ARHGAP8: variants seen among roughly 807,000 people sequenced by gnomAD.
ARHGAP8 encodes Rho GTPase activating protein 8, also known as rho GTPase-activating protein 8.
ARHGAP8 carries 62 observed loss-of-function variants against 46.1 expected under a neutral mutation model. That is an observed-to-expected ratio of 1.34 (90% CI 1.10 to 1.66). The LOEUF (loss-of-function observed/expected upper bound fraction) is 1.66, where lower values mean the gene tolerates loss of function less well. Among genes scored for constraint, ARHGAP8 ranks in the 40% most tolerant of loss-of-function variants. The pLI, the probability that ARHGAP8 is intolerant of heterozygous loss-of-function variation, is 0.00. For missense variants in ARHGAP8, 923 were observed against 568.4 expected, an observed-to-expected ratio of 1.62 and a Z score of -6.34; for synonymous variants, 375 against 243.1, an observed-to-expected ratio of 1.54 and a Z score of -5.05.
intron 7 of ARHGAP8, among the ~76,000 whole-genome samples, chr22:44,833,311 C>T (rs1931085185): frequency 6.6e-6 from 1 of 151,888 alleles, no homozygotes; most frequent in African/African-American, 2.4e-5. Context: ...GTTGCCCAGG[C>T]TGGGAACATC....
At chr22:44,821,023 A>G (rs1930091734) in intron 5 of ARHGAP8, among the ~76,000 whole-genome samples, 3 of 152,374 alleles carry the variant, frequency 2.0e-5, no homozygotes. Context: ...AAAATACATG[A>G]ATACTTATTT....
chr22:44,789,420 G>C (rs995201633), intron 2 of ARHGAP8, among the ~76,000 whole-genome samples: 1 of 152,112 alleles, frequency 6.6e-6, no homozygotes, highest in African/African-American at 2.4e-5. Context: ...CAAAGTGCTG[G>C]GATTACAGGT....
chr22:44,769,344 C>G (rs1050154584), intron 1 of ARHGAP8, among the ~76,000 whole-genome samples: 5 of 152,252 alleles, frequency 3.3e-5, no homozygotes, highest in Non-Finnish European at 7.3e-5. Flanking sequence ...ATGCCAACCT[C>G]ATGCTGTCCT....
intron 1 of ARHGAP8, chr22:44,766,170 G>A (rs1319809960): frequency 1.3e-5 from 2 of 152,638 alleles, no homozygotes; most frequent in African/African-American, 2.4e-5. Context: ...CAGAAGCCGT[G>A]GTCTGGTCTC....
intron 9 of ARHGAP8, 144 bp from the exon 10 acceptor site, chr22:44,848,788 G>A: frequency 1.4e-6 from 2 of 1,450,104 alleles, no homozygotes; most frequent in Non-Finnish European, 1.8e-6. Flanking sequence ...TCTAGGTGGG[G>A]ACAGCATCAT....
Position 44,848,806 on chromosome 22 carries a change from A to T in ARHGAP8, c.749-126A>T, listed in dbSNP as rs2070023652. ...AGGTGGGGACAGCATCATCCCTAGG[A>T]CACATGGCTCCAGCATCAGGTGCGT... On this transcript the variant is annotated intron_variant, in intron 9 of 11. Transcript: ENST00000356099. The T allele has an allele frequency of 2.0e-6, 3 of 1,527,056 alleles. No homozygotes were observed. In the South Asian group the frequency reaches 3.8e-5, roughly 19 times the overall value. 94.6% of individuals were successfully genotyped at this position (1,527,056 alleles called of 1,614,324 possible). A position where few individuals can be genotyped will look rare whatever the true frequency, so the allele number is the denominator to read the frequency against.
chr22:44,826,645 C>T (rs778271527), intron 7 of ARHGAP8, among the ~76,000 whole-genome samples: 11 of 152,268 alleles, frequency 7.2e-5, no homozygotes, highest in African/African-American at 2.2e-4. Context: ...TGGCTGGTCT[C>T]GAACTCCTGA....
chr22:44,788,095 ATGTTATTAT>A (rs781757225), intron 2 of ARHGAP8, among the ~76,000 whole-genome samples: 4 of 148,420 alleles, frequency 2.7e-5, no homozygotes, highest in African/African-American at 4.9e-5. Flanking sequence ...TTTTTATTAT[ATGTTATTAT>A]TATTATTATT....
Position 44,862,529 on chromosome 22 carries a change from AG to A in ARHGAP8, c.1237del (p.Ala413ProfsTer14). The A allele has an allele frequency of 1.9e-6, 3 of 1,611,338 alleles. No individual in the cohort carries two copies. Among genetic ancestry groups the A allele is most frequent in the Non-Finnish European group, 2.5e-6 (3 of 1,177,924 alleles). ...PLQEAVPRTQ[A>X]TGLTKPTLPP... ...TGCAGGAGGCTGTGCCACGGACACA[AG>A]CCACGGGCCTCACCAAGCCTACCCT... On this transcript the variant is annotated frameshift_variant, in exon 12 of 12. Coordinates refer to ENST00000356099, the MANE Select transcript of ARHGAP8 (RefSeq NM_181335.3). LOFTEE classifies it low-confidence loss of function (END_TRUNC).
intron 1 of ARHGAP8, among the ~76,000 whole-genome samples, chr22:44,762,191 G>A (rs1167250347): frequency 6.6e-6 from 1 of 152,214 alleles, no homozygotes; most frequent in East Asian, 1.9e-4. Context: ...TGATCCCAGT[G>A]AGCCGGAAGG....
chr22:44,827,374 G>A (rs970479750), intron 7 of ARHGAP8, among the ~76,000 whole-genome samples: 4 of 92,080 alleles, frequency 4.3e-5, no homozygotes, highest in African/African-American at 1.3e-4. Flanking sequence ...AGACAGTCTC[G>A]CTCTGTCCCC....
chr22:44,825,142 G>A (rs143480507), intron 6 of ARHGAP8, among the ~76,000 whole-genome samples: 3 of 151,948 alleles, frequency 2.0e-5, no homozygotes, highest in East Asian at 3.9e-4. Flanking sequence ...GCCAGCTCTC[G>A]TCTTAAATTC....
intron 11 of ARHGAP8, among the ~76,000 whole-genome samples, chr22:44,860,283 T>A (rs1254042677): frequency 1.3e-5 from 2 of 152,062 alleles, no homozygotes; most frequent in African/African-American, 2.4e-5. Flanking sequence ...TAAAACAGAT[T>A]TACTGTGTCA....
chr22:44,793,408 G>A lies in ARHGAP8; in HGVS notation c.79+6802G>A, dbSNP rs370794405. On this transcript the variant is annotated intron_variant, in intron 2 of 11. Coordinates refer to ENST00000356099, the MANE Select transcript of ARHGAP8 (RefSeq NM_181335.3). ...CCCTGCAGGACAACACACATCCACC[G>A]CCCTGGGTTCGGATCTTTTGGCACA... Among the ~76,000 whole-genome samples, 8 of 152,156 alleles carry A rather than the reference G, an allele frequency of 5.3e-5. No individual in the cohort carries two copies. The East Asian group carries it at 7.7e-4, about 15-fold the overall frequency.
At chr22:44,791,530 C>G (rs1192118771) in intron 2 of ARHGAP8, among the ~76,000 whole-genome samples, 1 of 151,992 alleles carries the variant, frequency 6.6e-6, no homozygotes, top group Admixed American at 6.6e-5. Flanking sequence ...ATGGTGAAAC[C>G]CCGTATGTAC....
chr22:44,819,682 GA>G (rs141892208), intron 5 of ARHGAP8, among the ~76,000 whole-genome samples: 9,433 of 151,064 alleles, frequency 0.062, 924 homozygotes, highest in African/African-American at 0.21. Context: ...TCAGAAAAAA[GA>G]AAAAAAAATC....
chr22:44,848,190 C>T, intron 9 of ARHGAP8, 140 bp downstream of exon 9: 4 of 1,236,156 alleles, frequency 3.2e-6, no homozygotes, highest in South Asian at 2.8e-5. Flanking sequence ...GGGGCAGCTT[C>T]CCAGGAGGCA....
In ARHGAP8 at chr22:44,822,438, G is replaced by A. The variant is rs115109750; in HGVS notation, c.454G>A (p.Asp152Asn). 7.7e-6 allele frequency: 12 copies of A among 1,564,098 alleles called. No homozygotes were observed. Among genetic ancestry groups the A allele is most frequent in the Middle Eastern group, 1.7e-4 (1 of 5,990 alleles). ...TGAGCTCCACGAACACCTTAAATACGACCAGCTGGTCATCCCTCCCGAAGT... is the reference window on the plus strand; with the variant it reads ...TGAGCTCCACGAACACCTTAAATACAACCAGCTGGTCATCCCTCCCGAAGT... ...LSELHEHLKY[D>N]QLVIPPEVLR... Residue 152 changes from aspartate to asparagine, a missense_variant, in exon 6 of 12, where the codon GAC becomes AAC. Physicochemically the swap from Asp to Asn is conservative, Grantham distance 23. Transcript: ENST00000356099.
chr22:44,815,575 C>G (rs1929678874), intron 5 of ARHGAP8, among the ~76,000 whole-genome samples: 1 of 152,094 alleles, frequency 6.6e-6, no homozygotes, highest in Non-Finnish European at 1.5e-5. Flanking sequence ...GCTTGGACAC[C>G]CCCAGCCTGC....
Sources: gnomAD v4.1 joint callset for allele counts (sites outside exome capture counted in the v4.1 genomes callset) on GRCh38, gnomAD v4.1.1 for gene constraint, MANE v1.5 for transcripts, NCBI Gene and HGNC (gene_info 2026-07-23, HGNC 2026-07-21) for gene names.